Variants in MROH7 observed in about 807,000 individuals in gnomAD.
The protein encoded by MROH7 is maestro heat like repeat family member 7.
Under a neutral mutation model 129.2 loss-of-function variants are expected in MROH7, and 113 were observed. The ratio of observed to expected loss-of-function variants is 0.87; its 90% CI spans 0.75 to 1.02. The LOEUF is 1.02. Among genes scored for constraint, MROH7 ranks in the 50% least tolerant of loss-of-function variants. The probability of loss-of-function intolerance (pLI) is 0.00; values close to 1 mark genes in which losing one functional copy is unlikely to be tolerated. For synonymous variants in MROH7, 655 were observed against 667.9 expected (o/e 0.98, Z 0.30); for missense variants, 1,601 against 1,671.3 (o/e 0.96, Z 0.73).
At chr1:54,657,195 G>C (rs1026928536) in intron 3 of MROH7, among the ~76,000 whole-genome samples, 1 of 151,342 alleles carries the variant, frequency 6.6e-6, no homozygotes, top group Non-Finnish European at 1.5e-5. Context: ...TTACAAGCAC[G>C]TGCCACCCTA....
At chr1:54,673,230 G>T in intron 8 of MROH7, 44 bp downstream of exon 8, 1 of 1,463,278 alleles carries the variant, frequency 6.8e-7, no homozygotes, top group East Asian at 2.3e-5. Flanking sequence ...AGGAAGGGTG[G>T]AGGGAAGAGA....
chr1:54,648,335 A>ATTTTATT (rs1394146443), intron 1 of MROH7, among the ~76,000 whole-genome samples: 1 of 109,168 alleles, frequency 9.2e-6, no homozygotes, highest in Non-Finnish European at 1.9e-5. Context: ...GTTGCATGCA[A>ATTTTATT]TTTTATTTAT....
Position 54,685,570 on chromosome 1 carries a change from TGGTGGGCCAAGTATGAG to T in MROH7, c.2521-679_2521-663del, listed in dbSNP as rs565988924. Among the ~76,000 whole-genome samples the T allele has an allele frequency of 1.9e-4, 29 of 152,226 alleles. No individual in the cohort carries two copies. In the East Asian group the frequency reaches 2.9e-3, roughly 15 times the overall value. On this transcript the variant is annotated intron_variant, in intron 14 of 23. Transcript: ENST00000421030. Reference sequence around the variant, plus strand: ...GCCCTTCTGCCAGTTAGAGAGGACTTGGTGGGCCAAGTATGAGGGTGGGCCCAGGCCAGGTCCAGAGC... The same window carrying T: ...GCCCTTCTGCCAGTTAGAGAGGACTTGGTGGGCCCAGGCCAGGTCCAGAGC...
At chr1:54,691,676 C>T (rs1386725757) in intron 15 of MROH7, among the ~76,000 whole-genome samples, 2 of 151,544 alleles carry the variant, frequency 1.3e-5, no homozygotes, top group Non-Finnish European at 2.9e-5. Flanking sequence ...TGTGGTGGCG[C>T]ATGCCTGTAA....
intron 16 of MROH7, 40 bp from the exon 17 acceptor site, chr1:54,695,336 C>T: frequency 8.4e-7 from 1 of 1,190,702 alleles, no homozygotes; most frequent in Non-Finnish European, 1.2e-6. Context: ...CCCCCTGGGG[C>T]TGGATACCTG....
intron 14 of MROH7, among the ~76,000 whole-genome samples, chr1:54,685,003 CT>C (rs553790032): frequency 1.3e-5 from 2 of 150,822 alleles, no homozygotes; most frequent in African/African-American, 2.4e-5. Context: ...TGCATGGAGT[CT>C]TTTTTTTTCT....
chr1:54,655,084 G>C (rs532302238), intron 3 of MROH7, among the ~76,000 whole-genome samples: 144 of 142,908 alleles, frequency 1.0e-3, no homozygotes, highest in African/African-American at 3.6e-3. Flanking sequence ...GCTTGATCTT[G>C]GCTCACTGTA....
intron 17 of MROH7, chr1:54,699,408 A>T (rs1416567699): frequency 1.3e-5 from 2 of 151,824 alleles, no homozygotes; most frequent in African/African-American, 4.9e-5. Flanking sequence ...GATTCAAGCG[A>T]TTCTCCTGCC....
intron 4 of MROH7, among the ~76,000 whole-genome samples, chr1:54,666,700 G>A (rs1043768568): frequency 7.2e-5 from 11 of 151,866 alleles, no homozygotes; most frequent in Non-Finnish European, 1.0e-4. Context: ...TCCTGCCTAA[G>A]CCTTCCAAAG....
intron 19 of MROH7, among the ~76,000 whole-genome samples, chr1:54,701,534 T>C (rs1019069512): frequency 6.6e-6 from 1 of 152,150 alleles, no homozygotes; most frequent in South Asian, 2.1e-4. Context: ...TCTTTCACAA[T>C]CGAGTCTCCC....
At chr1:54,662,500 G>A (rs1234066553) in intron 3 of MROH7, among the ~76,000 whole-genome samples, 1 of 151,662 alleles carries the variant, frequency 6.6e-6, no homozygotes, top group Non-Finnish European at 1.5e-5. Flanking sequence ...TGGCGCCACT[G>A]CACTCCAGCC....
intron 1 of MROH7, among the ~76,000 whole-genome samples, chr1:54,648,597 C>G (rs1644507796): frequency 6.6e-6 from 1 of 152,006 alleles, no homozygotes; most frequent in South Asian, 2.1e-4. Context: ...AACTCCTGAC[C>G]TCAGATGATC....
chr1:54,663,345 G>A (rs1319614572), intron 3 of MROH7, among the ~76,000 whole-genome samples: 1 of 152,030 alleles, frequency 6.6e-6, no homozygotes, highest in African/African-American at 2.4e-5. Flanking sequence ...GTAAAGACCA[G>A]CCTGACCAAC....
chr1:54,705,476 A>G (rs1645518186), intron 21 of MROH7, among the ~76,000 whole-genome samples: 1 of 152,218 alleles, frequency 6.6e-6, no homozygotes, highest in Admixed American at 6.5e-5. Context: ...ATGACAAAGG[A>G]TGAGCAAGAT....
chr1:54,661,026 A>G (rs1480003331), intron 3 of MROH7, among the ~76,000 whole-genome samples: 1 of 140,156 alleles, frequency 7.1e-6, no homozygotes, highest in Non-Finnish European at 1.6e-5. Flanking sequence ...TTTTTTTTTT[A>G]ATTTCAGAAG....
chr1:54,669,765 C>T (rs893601717), intron 5 of MROH7, among the ~76,000 whole-genome samples: 1 of 151,976 alleles, frequency 6.6e-6, no homozygotes, highest in African/African-American at 2.4e-5. Flanking sequence ...TTTGGGAGGC[C>T]AAGGCAGGTG....
At position 54,670,635 on chromosome 1, in the gene MROH7, C is replaced by G. The variant is rs977182524; in HGVS notation, c.1469+59C>G. 33 of 1,530,638 alleles carry G rather than the reference C, an allele frequency of 2.2e-5. No homozygotes were observed. The Admixed American group carries it at 6.3e-4, about 29-fold the overall frequency. 94.8% of individuals were successfully genotyped at this position (1,530,638 alleles called of 1,614,324 possible). A position where few individuals can be genotyped will look rare whatever the true frequency, so the allele number is the denominator to read the frequency against. On this transcript the variant is annotated intron_variant, in intron 6 of 23. Coordinates refer to ENST00000421030, the MANE Select transcript of MROH7 (RefSeq NM_001039464.4). ...CTCTCCTCTCTTCCTCCACTTCTGC[C>G]TCCCTCCATCTCTTCGCTGTACCCT...
At position 54,670,579 on chromosome 1, in the gene MROH7, G is replaced by C. The variant is rs899466331; in HGVS notation, c.1469+3G>C. ...ATGGAGATCCTGACCCAGCTGAGGT[G>C]TCCATGGCCCTCTCCCTGTTCCCAC... On this transcript the variant is annotated splice_donor_region_variant and intron_variant, in intron 6 of 23. Coordinates refer to ENST00000421030, the MANE Select transcript of MROH7 (RefSeq NM_001039464.4). 1 of 1,611,072 alleles carries C rather than the reference G, an allele frequency of 6.2e-7. No individual in the cohort carries two copies. Among genetic ancestry groups the C allele is most frequent in the Admixed American group, 1.7e-5 (1 of 59,780 alleles).
chr1:54,688,081 G>A (rs368629785), intron 15 of MROH7, among the ~76,000 whole-genome samples: 13 of 151,806 alleles, frequency 8.6e-5, no homozygotes, highest in African/African-American at 3.1e-4. Flanking sequence ...TTAGCCAGAT[G>A]TGGTGGTGGG....
Sources: gnomAD v4.1 joint callset for allele counts (sites outside exome capture counted in the v4.1 genomes callset) on GRCh38, gnomAD v4.1.1 for gene constraint, MANE v1.5 for transcripts, NCBI Gene and HGNC (gene_info 2026-07-23, HGNC 2026-07-21) for gene names.